Variants in SPPL3 observed in about 807,000 individuals in gnomAD.
The protein encoded by SPPL3 is signal peptide peptidase like 3, also known as signal peptide peptidase-like 3.
SPPL3 carries 5 observed loss-of-function variants against 42.4 expected under a neutral mutation model. The observed-to-expected ratio is 0.12, with a 90% confidence interval of 0.06 to 0.25. The LOEUF (loss-of-function observed/expected upper bound fraction) is 0.25, where lower values mean the gene tolerates loss of function less well. Ranked by LOEUF, SPPL3 falls within the 10% of genes least tolerant of loss-of-function variation. The pLI is 1.00. For synonymous variants in SPPL3, 195 were observed against 181.8 expected (o/e 1.07, Z -0.58); for missense variants, 235 against 489.0 (o/e 0.48, Z 4.90).
intron 1 of SPPL3, among the ~76,000 whole-genome samples, chr12:120,839,645 T>C (rs1047688395): frequency 8.5e-5 from 13 of 152,192 alleles, no homozygotes; most frequent in Admixed American, 7.2e-4. Context: ...ATTTTTTCAG[T>C]ATGTATGTAC....
chr12:120,764,181 C>T lies in SPPL3; in HGVS notation c.*818G>A, dbSNP rs1167408773. On this transcript the variant is annotated 3_prime_UTR_variant, in exon 11 of 11. Coordinates refer to ENST00000353487, the MANE Select transcript of SPPL3 (RefSeq NM_139015.5). ...CGGGGTCAGTTGTGAAGGGGAAGGA[C>T]AGCAGCTTATCCATATACAAGGAAG... is the stretch of plus-strand genomic sequence containing the variant. 5 of 152,340 alleles carry T rather than the reference C, an allele frequency of 3.3e-5. No homozygotes were observed. The highest frequency in any genetic ancestry group is 5.9e-5 in the Non-Finnish European group (4 of 68,050). 9.4% of individuals were successfully genotyped at this position (152,340 alleles called of 1,614,324 possible).
chr12:120,836,831 G>T (rs749989266), intron 1 of SPPL3, among the ~76,000 whole-genome samples: 1 of 152,210 alleles, frequency 6.6e-6, no homozygotes, highest in Non-Finnish European at 1.5e-5. Flanking sequence ...ATGCACATGT[G>T]TGTGTGCATA....
intron 1 of SPPL3, among the ~76,000 whole-genome samples, chr12:120,848,337 T>C (rs1257531082): frequency 6.6e-6 from 1 of 152,190 alleles, no homozygotes; most frequent in Admixed American, 6.5e-5. Flanking sequence ...AAGATCGCAC[T>C]GAGGACTACA....
chr12:120,811,061 C>T, intron 1 of SPPL3, 175 bp from the exon 2 acceptor site: 1 of 490,630 alleles, frequency 2.0e-6, no homozygotes. Flanking sequence ...GCTAGTTTAA[C>T]ATGAAGAATA....
intron 1 of SPPL3, among the ~76,000 whole-genome samples, chr12:120,819,713 AT>A (rs1282106018): frequency 2.0e-5 from 3 of 152,212 alleles, no homozygotes; most frequent in Admixed American, 6.5e-5. Context: ...GAAATTTTCC[AT>A]TTTATCATTA....
At chr12:120,793,184 A>G (rs895798861) in intron 2 of SPPL3, among the ~76,000 whole-genome samples, 1 of 152,216 alleles carries the variant, frequency 6.6e-6, no homozygotes, top group Non-Finnish European at 1.5e-5. Flanking sequence ...GATGTTCAAC[A>G]CCGTTAGTCA....
chr12:120,834,037 G>T (rs1045742258), intron 1 of SPPL3, among the ~76,000 whole-genome samples: 3 of 152,138 alleles, frequency 2.0e-5, no homozygotes, highest in African/African-American at 4.8e-5. Context: ...AAGCAACCTT[G>T]TGAGAGAAAT....
chr12:120,801,651 A>C (rs571774853), intron 2 of SPPL3, among the ~76,000 whole-genome samples: 1 of 152,326 alleles, frequency 6.6e-6, no homozygotes, highest in South Asian at 2.1e-4. Flanking sequence ...AAAAACAAAC[A>C]AACAAAAAAA....
intron 1 of SPPL3, 113 bp downstream of exon 1, chr12:120,903,732 G>GGCCC: frequency 2.6e-6 from 1 of 385,022 alleles, no homozygotes. Flanking sequence ...CCCAACCCGC[G>GGCCC]CCCCCCCCCC....
At chr12:120,840,328 G>A (rs1038791349) in intron 1 of SPPL3, among the ~76,000 whole-genome samples, 9 of 139,408 alleles carry the variant, frequency 6.5e-5, no homozygotes, top group Non-Finnish European at 1.1e-4. Context: ...ATACTTGCTT[G>A]ACATGGATGA....
intron 1 of SPPL3, among the ~76,000 whole-genome samples, chr12:120,848,061 G>A (rs1872102460): frequency 1.3e-5 from 2 of 152,290 alleles, no homozygotes; most frequent in African/African-American, 4.8e-5. Context: ...TGTGAGATAA[G>A]GTGGTGGTGG....
chr12:120,857,157 C>CAA (rs1477606432), intron 1 of SPPL3, among the ~76,000 whole-genome samples: 3 of 152,194 alleles, frequency 2.0e-5, no homozygotes, highest in African/African-American at 7.2e-5. Context: ...TCCCTCTTCC[C>CAA]CTCCACCAGA....
intron 1 of SPPL3, among the ~76,000 whole-genome samples, chr12:120,873,728 T>C (rs551030296): frequency 2.0e-5 from 3 of 151,964 alleles, no homozygotes; most frequent in East Asian, 3.9e-4. Context: ...AAAAATTAGC[T>C]GGGTGTGGTG....
intron 1 of SPPL3, among the ~76,000 whole-genome samples, chr12:120,863,734 T>C (rs1180084664): frequency 6.6e-6 from 1 of 151,968 alleles, no homozygotes; most frequent in African/African-American, 2.4e-5. Flanking sequence ...CTCGAACTCC[T>C]GGGCTGAAGC....
intron 1 of SPPL3, among the ~76,000 whole-genome samples, chr12:120,867,142 T>C (rs1271252782): frequency 6.6e-6 from 1 of 152,210 alleles, no homozygotes; most frequent in Non-Finnish European, 1.5e-5. Flanking sequence ...AAAATAATCC[T>C]TGTAGCACAC....
At chr12:120,811,938 T>C (rs1870695399) in intron 1 of SPPL3, among the ~76,000 whole-genome samples, 1 of 152,058 alleles carries the variant, frequency 6.6e-6, no homozygotes, top group East Asian at 1.9e-4. Flanking sequence ...TAATGTATAT[T>C]AGGTAGATGC....
intron 1 of SPPL3, among the ~76,000 whole-genome samples, chr12:120,888,485 G>A (rs1259969794): frequency 6.6e-6 from 1 of 152,180 alleles, no homozygotes; most frequent in East Asian, 1.9e-4. Flanking sequence ...GCAATAAAGA[G>A]AATGAAGCAT....
intron 1 of SPPL3, among the ~76,000 whole-genome samples, chr12:120,881,891 G>C (rs1456139689): frequency 6.6e-6 from 1 of 152,022 alleles, no homozygotes; most frequent in Non-Finnish European, 1.5e-5. Flanking sequence ...GAGAACAAAG[G>C]TTGCCAGGGT....
chr12:120,838,539 A>G (rs948524309), intron 1 of SPPL3, among the ~76,000 whole-genome samples: 1 of 152,228 alleles, frequency 6.6e-6, no homozygotes, highest in Non-Finnish European at 1.5e-5. Flanking sequence ...GGCTGAAGCC[A>G]GATTTACCTG....
Sources: allele counts gnomAD v4.1 joint callset (sites outside exome capture counted in the v4.1 genomes callset), GRCh38; gene constraint gnomAD v4.1.1; transcripts MANE v1.5; gene names NCBI Gene and HGNC (gene_info 2026-07-23, HGNC 2026-07-21).